The following NXPE3 variants were observed in gnomAD, a reference collection of about 807,000 sequenced individuals.
The protein encoded by NXPE3 is NXPE family member 3.
NXPE3 carries 26 observed loss-of-function variants against 46.1 expected under a neutral mutation model. The observed-to-expected ratio is 0.56, with a 90% confidence interval of 0.41 to 0.78. The LOEUF (loss-of-function observed/expected upper bound fraction) is 0.78. Among genes scored for constraint, NXPE3 ranks in the 30% least tolerant of loss-of-function variants. The pLI is 0.00. For missense variants in NXPE3, 620 were observed against 686.0 expected (o/e 0.90, Z 1.07); for synonymous variants, 272 against 257.9 (o/e 1.05, Z -0.52).
intron 6 of NXPE3, among the ~76,000 whole-genome samples, chr3:101,810,928 C>G (rs901054393): frequency 2.6e-5 from 4 of 151,926 alleles, no homozygotes; most frequent in African/African-American, 9.7e-5. Context: ...CTCCTGTGTT[C>G]AAGCGATTCT....
At chr3:101,818,736 TA>T (rs1185009114) in intron 7 of NXPE3, among the ~76,000 whole-genome samples, 1 of 31,750 alleles carries the variant, frequency 3.1e-5, no homozygotes, top group African/African-American at 1.1e-4. Context: ...TATATATATA[TA>T]TATATATATA....
intron 4 of NXPE3, among the ~76,000 whole-genome samples, chr3:101,786,690 A>G (rs1289117138): frequency 6.6e-6 from 1 of 152,208 alleles, no homozygotes; most frequent in African/African-American, 2.4e-5. Context: ...GATACTACCA[A>G]TCCTACACCG....
rs201611335 is a variant in NXPE3, at chr3:101,801,694, G to A, written c.553G>A (p.Val185Ile). Residue 185 changes from valine (V) to isoleucine (I), a missense_variant, in exon 5 of 8, where the codon GTA (valine) becomes ATA (isoleucine). This residue lies in a region of NXPE3 where 511 missense variants were observed against 528.6 expected (regional missense o/e 0.97). Coordinates refer to ENST00000273347, the MANE Select transcript of NXPE3 (RefSeq NM_145037.4). ...ATGGCCAGGCAAAGTTAAAGTATCCGTATCTCTGGTCCACCCCAGTGAAGG... is the reference window on the plus strand; with the variant it reads ...ATGGCCAGGCAAAGTTAAAGTATCCATATCTCTGGTCCACCCCAGTGAAGG... ...LLWPGKVKVS[V>I]SLVHPSEGIR... The A allele has an allele frequency of 1.6e-4, 264 of 1,614,054 alleles. No individual in the cohort carries two copies. The highest frequency in any genetic ancestry group is 2.1e-4 in the Non-Finnish European group (251 of 1,180,030).
chr3:101,815,792 T>G (rs962887990), intron 6 of NXPE3, among the ~76,000 whole-genome samples: 5 of 152,054 alleles, frequency 3.3e-5, no homozygotes, highest in Non-Finnish European at 5.9e-5. Flanking sequence ...CGTCAAGAGA[T>G]TGAGACCATC....
rs779978338 is a variant in NXPE3, at chr3:101,807,044, C to T, written c.849-9C>T. 22 of 1,602,188 alleles carry T rather than the reference C, an allele frequency of 1.4e-5. No individual in the cohort carries two copies. In the South Asian group the frequency reaches 2.3e-4, roughly 17 times the overall value. ...AACCTGAGCTTGTGCTTTTTTATTC[C>T]TCTTAAAGTGGTGTCAATATCAAAA... On this transcript the variant is annotated splice_polypyrimidine_tract_variant and intron_variant, in intron 5 of 7. Coordinates refer to ENST00000273347, the MANE Select transcript of NXPE3 (RefSeq NM_145037.4).
chr3:101,809,919 C>T (rs12633089), intron 6 of NXPE3, among the ~76,000 whole-genome samples: 46,885 of 151,996 alleles, frequency 0.31, 7,428 homozygotes, highest in Non-Finnish European at 0.34. Flanking sequence ...AAGGGGTTTA[C>T]AGTATTTCTA....
intron 5 of NXPE3, among the ~76,000 whole-genome samples, chr3:101,804,525 C>T (rs915075355): frequency 3.9e-5 from 6 of 152,118 alleles, no homozygotes; most frequent in African/African-American, 1.4e-4. Flanking sequence ...ATTTTCCACC[C>T]TTTATTCTGT....
intron 4 of NXPE3, among the ~76,000 whole-genome samples, chr3:101,791,192 C>T (rs985956982): frequency 2.6e-5 from 4 of 152,008 alleles, no homozygotes; most frequent in Non-Finnish European, 4.4e-5. Flanking sequence ...GAGTACATGC[C>T]GTATTTGGTT....
chr3:101,782,302 T>C lies in NXPE3; in HGVS notation c.-317+12T>C. On this transcript the variant is annotated intron_variant, in intron 2 of 7. Transcript: ENST00000273347. ...AATTTCCAAAAAAGGTAAATTACAT[T>C]GAATTATATATTTTTATTTTTTTGG... The C allele has an allele frequency of 6.6e-6, 1 of 152,188 alleles. No homozygotes were observed. The highest frequency in any genetic ancestry group is 1.9e-4 in the East Asian group (1 of 5,200). The allele number at this position is 152,188 out of a possible 1,614,324, so 9.4% of individuals were successfully genotyped here.
At chr3:101,803,122 TAGAG>T (rs1002503968) in intron 5 of NXPE3, among the ~76,000 whole-genome samples, 80 of 152,318 alleles carry the variant, frequency 5.3e-4, no homozygotes, top group African/African-American at 1.8e-3. Context: ...CATTCCTTGG[TAGAG>T]AGAATTTTTT....
chr3:101,793,322 T>C (rs1168312760), intron 4 of NXPE3, among the ~76,000 whole-genome samples: 2 of 152,170 alleles, frequency 1.3e-5, no homozygotes, highest in Non-Finnish European at 2.9e-5. Flanking sequence ...AGAGGTGACA[T>C]GCTTTTCTTG....
In NXPE3 at chr3:101,822,398, T is replaced by C. The variant is rs115197196; in HGVS notation, c.*444T>C. 135 of 159,116 alleles carry C rather than the reference T, an allele frequency of 8.5e-4. No homozygotes were observed. The highest frequency in any genetic ancestry group is 3.1e-3 in the African/African-American group (129 of 41,664). The allele number at this position is 159,116 out of a possible 1,614,324, so 9.9% of individuals were successfully genotyped here. A position where few individuals can be genotyped will look rare whatever the true frequency, so the allele number is the denominator to read the frequency against. ...CACAAGTAATCCATCTTCTGGCGGT[T>C]AACTAGAGAAAGCTTATAGTCAGAG... is the stretch of plus-strand genomic sequence containing the variant. On this transcript the variant is annotated 3_prime_UTR_variant, in exon 8 of 8. Transcript: ENST00000273347.
Position 101,801,770 on chromosome 3 carries a change from T to C in NXPE3, c.629T>C (p.Phe210Ser), listed in dbSNP as rs776844767. 1.2e-6 allele frequency: 2 copies of C among 1,614,214 alleles called. No homozygotes were observed. The highest frequency in any genetic ancestry group is 2.2e-5 in the South Asian group (2 of 91,084). Residue 210 changes from phenylalanine to serine, a missense_variant, in exon 5 of 8, where the codon TTC becomes TCC. Physicochemically the swap from Phe to Ser is radical, Grantham distance 155. Transcript: ENST00000273347. ...GAAGATAAACCAGACAGGGTCTATT[T>C]CAAGAGTCTCTTCCGTTCAGGAAGA... is the stretch of plus-strand genomic sequence containing the variant. ...LQEDKPDRVY[F>S]KSLFRSGRIS... is the part of the protein sequence containing the mutation.
chr3:101,786,743 AT>A (rs1349787992), intron 4 of NXPE3, among the ~76,000 whole-genome samples: 1 of 152,190 alleles, frequency 6.6e-6, no homozygotes, highest in Non-Finnish European at 1.5e-5. Flanking sequence ...GTGTCTAGAT[AT>A]TTTAGAAACT....
chr3:101,823,425 T>A lies in NXPE3; in HGVS notation c.*1471T>A, dbSNP rs946809276. ...TATTAAAATAGTTTAATTTTAATGG[T>A]CCTTACGCTTTACAGTACCTAAGGA... On this transcript the variant is annotated 3_prime_UTR_variant, in exon 8 of 8. Transcript: ENST00000273347. The A allele has an allele frequency of 6.6e-6, 1 of 152,168 alleles. No homozygotes were observed. Among genetic ancestry groups the A allele is most frequent in the Non-Finnish European group, 1.5e-5 (1 of 68,044 alleles). The allele number at this position is 152,168 out of a possible 1,614,324, so 9.4% of individuals were successfully genotyped here.
At chr3:101,779,464 C>T (rs1240001064) in intron 1 of NXPE3, 140 bp downstream of exon 1, 1 of 152,680 alleles carries the variant, frequency 6.5e-6, no homozygotes, top group East Asian at 1.9e-4. Flanking sequence ...GTCCCCAGCC[C>T]CGTGCTGATA....
chr3:101,810,812 C>CT (rs893880673), intron 6 of NXPE3, among the ~76,000 whole-genome samples: 37 of 150,978 alleles, frequency 2.5e-4, no homozygotes, highest in African/African-American at 5.6e-4. Context: ...CTTGAATGAA[C>CT]TTTTTTTGTT....
chr3:101,806,742 A>C (rs1941436175), intron 5 of NXPE3, among the ~76,000 whole-genome samples: 1 of 152,218 alleles, frequency 6.6e-6, no homozygotes, highest in African/African-American at 2.4e-5. Flanking sequence ...TGTCAGTGTG[A>C]GCCATTCTCT....
chr3:101,785,352 A>AC (rs1245071397), intron 3 of NXPE3, 50 bp from the exon 4 acceptor site: 5 of 447,026 alleles, frequency 1.1e-5, no homozygotes, highest in Non-Finnish European at 2.1e-5. Flanking sequence ...CTCTCACCCC[A>AC]CCCTAGGCCA....
Sources: gnomAD v4.1 joint callset for allele counts (sites outside exome capture counted in the v4.1 genomes callset) on GRCh38, gnomAD v4.1.1 for gene constraint, gnomAD v4.1.1 regional missense constraint, MANE v1.5 for transcripts, NCBI Gene and HGNC (gene_info 2026-07-23, HGNC 2026-07-21) for gene names.